The following STPG2 variants were observed in gnomAD, a reference collection of about 807,000 sequenced individuals.
The protein encoded by STPG2 is sperm tail PG-rich repeat containing 2.
A neutral mutation model predicts 54.2 loss-of-function variants in STPG2; 56 were observed. The observed-to-expected ratio is 1.03, with a 90% confidence interval of 0.83 to 1.29. The LOEUF is 1.29. STPG2 is among the 50% of genes most tolerant of loss of function. STPG2 has a pLI of 0.00. For missense variants in STPG2, 596 were observed against 544.9 expected (o/e 1.09, Z -0.93); for synonymous variants, 200 against 181.8 (o/e 1.10, Z -0.81).
intron 8 of STPG2, among the ~76,000 whole-genome samples, chr4:97,918,706 A>G (rs931645751): frequency 6.6e-6 from 1 of 152,118 alleles, no homozygotes; most frequent in African/African-American, 2.4e-5. Context: ...AAAATAAAGT[A>G]ACTCAGGAAT....
At chr4:97,505,865 T>C (rs1421039271) in intron 4 of STPG2, among the ~76,000 whole-genome samples, 1 of 151,582 alleles carries the variant, frequency 6.6e-6, no homozygotes, top group Admixed American at 6.6e-5. Context: ...AATTAATTAT[T>C]ATTTATTATG....
At chr4:98,060,136 G>C (rs896168988) in intron 5 of STPG2, among the ~76,000 whole-genome samples, 9 of 152,164 alleles carry the variant, frequency 5.9e-5, no homozygotes, top group Non-Finnish European at 1.2e-4. Flanking sequence ...AACTATCTTT[G>C]TTTGCAGATG....
At chr4:97,640,646 A>G (rs1187103972) in intron 10 of STPG2, among the ~76,000 whole-genome samples, 3 of 151,764 alleles carry the variant, frequency 2.0e-5, no homozygotes, top group Admixed American at 6.6e-5. Flanking sequence ...AGAAAATAAA[A>G]GAGCCAAACA....
At chr4:98,060,779 T>G (rs973992908) in intron 5 of STPG2, among the ~76,000 whole-genome samples, 2 of 152,116 alleles carry the variant, frequency 1.3e-5, no homozygotes, top group East Asian at 3.8e-4. Flanking sequence ...TAAAACCACC[T>G]GATCTTCTGC....
At chr4:97,508,641 C>A (rs952551007) in intron 4 of STPG2, among the ~76,000 whole-genome samples, 3 of 151,896 alleles carry the variant, frequency 2.0e-5, no homozygotes, top group African/African-American at 7.3e-5. Flanking sequence ...TATTATTCAC[C>A]ATTTCATTAA....
intron 10 of STPG2, among the ~76,000 whole-genome samples, chr4:97,686,126 T>C (rs1323380296): frequency 6.6e-6 from 1 of 152,226 alleles, no homozygotes; most frequent in Non-Finnish European, 1.5e-5. Flanking sequence ...ATCCACTAAA[T>C]GTTCTCATGT....
intron 9 of STPG2, among the ~76,000 whole-genome samples, chr4:97,766,487 A>G (rs962618495): frequency 1.1e-4 from 16 of 152,114 alleles, no homozygotes; most frequent in African/African-American, 3.9e-4. Context: ...ATGATCGTCT[A>G]TTGCATGTGA....
At chr4:97,846,645 A>C (rs1386884348) in intron 8 of STPG2, among the ~76,000 whole-genome samples, 1 of 149,580 alleles carries the variant, frequency 6.7e-6, no homozygotes, top group African/African-American at 2.5e-5. Flanking sequence ...AAAAAAAAAA[A>C]ACACAGGAAG....
At chr4:97,551,789 C>G (rs951312892) in intron 4 of STPG2, among the ~76,000 whole-genome samples, 4 of 152,174 alleles carry the variant, frequency 2.6e-5, no homozygotes, top group African/African-American at 9.7e-5. Context: ...TTCTAGATCT[C>G]TTTGACAATT....
At chr4:98,128,400 T>C (rs781384828) in intron 3 of STPG2, 28 bp downstream of exon 3, 10 of 1,517,800 alleles carry the variant, frequency 6.6e-6, no homozygotes, top group Admixed American at 2.3e-5. Context: ...AATTTTCCAA[T>C]TGTCAATATG....
intron 10 of STPG2, among the ~76,000 whole-genome samples, chr4:97,665,798 G>T (rs1341231565): frequency 6.6e-6 from 1 of 152,110 alleles, no homozygotes; most frequent in East Asian, 1.9e-4. Flanking sequence ...GCTCATTGGT[G>T]CCCAAAGTCC....
At chr4:98,066,345 C>CTGTAATCCCAGCACTT (rs377482856) in intron 5 of STPG2, among the ~76,000 whole-genome samples, 59,852 of 151,866 alleles carry the variant, frequency 0.39, 12,015 homozygotes, top group Middle Eastern at 0.46. Context: ...TGGCTCACAA[C>CTGTAATCCCAGCACTT]TGGGAGGCTG....
Position 98,018,455 on chromosome 4 carries a change from G to C in STPG2, c.613-37137C>G, listed in dbSNP as rs889642354. 3.3e-5 allele frequency among the ~76,000 whole-genome samples: 5 copies of C among 152,188 alleles called. 1 individual carries two copies. The highest frequency in any genetic ancestry group is 1.2e-4 in the African/African-American group (5 of 41,444). On this transcript the variant is annotated intron_variant, in intron 5 of 10. Coordinates refer to ENST00000295268, the MANE Select transcript of STPG2 (RefSeq NM_174952.3). ...GGGTTGGTTCCAAGTCTTTGCGATTGTGAGTAGTGCCACAATAAACATACG... is the reference window on the plus strand; with the variant it reads ...GGGTTGGTTCCAAGTCTTTGCGATTCTGAGTAGTGCCACAATAAACATACG...
chr4:98,112,557 C>A (rs1347205154), intron 3 of STPG2, among the ~76,000 whole-genome samples: 1 of 152,094 alleles, frequency 6.6e-6, no homozygotes, highest in Non-Finnish European at 1.5e-5. Context: ...ACTAACACAA[C>A]CTCTGACAGA....
At chr4:97,994,797 C>T (rs1735151658) in intron 5 of STPG2, among the ~76,000 whole-genome samples, 1 of 152,038 alleles carries the variant, frequency 6.6e-6, no homozygotes, top group Non-Finnish European at 1.5e-5. Flanking sequence ...GGAGGTGGCA[C>T]TTTCAAGAGC....
At chr4:97,769,356 G>A (rs1726155872) in intron 9 of STPG2, among the ~76,000 whole-genome samples, 1 of 152,250 alleles carries the variant, frequency 6.6e-6, no homozygotes, top group South Asian at 2.1e-4. Context: ...ACAGCCAGCT[G>A]ATTCCCAGAC....
At chr4:97,627,735 CA>C (rs1734170532) in intron 10 of STPG2, among the ~76,000 whole-genome samples, 1 of 151,854 alleles carries the variant, frequency 6.6e-6, no homozygotes, top group Non-Finnish European at 1.5e-5. Context: ...CACAGAGAAA[CA>C]AAACCAATAG....
intron 8 of STPG2, among the ~76,000 whole-genome samples, chr4:97,928,691 T>C (rs1403537229): frequency 6.6e-6 from 1 of 152,120 alleles, no homozygotes; most frequent in African/African-American, 2.4e-5. Flanking sequence ...ACAAGTTTAA[T>C]ATAAGGCCTA....
At chr4:97,547,274 G>C (rs1731854313) in intron 4 of STPG2, among the ~76,000 whole-genome samples, 1 of 151,002 alleles carries the variant, frequency 6.6e-6, no homozygotes, top group Non-Finnish European at 1.5e-5. Context: ...GCCATGGCAC[G>C]ATCTCGGCTC....
Sources: gnomAD v4.1 joint callset for allele counts (sites outside exome capture counted in the v4.1 genomes callset) on GRCh38, gnomAD v4.1.1 for gene constraint, MANE v1.5 for transcripts, NCBI Gene and HGNC (gene_info 2026-07-23, HGNC 2026-07-21) for gene names.